The following HOOK2 variants were observed in gnomAD, a reference collection of about 807,000 sequenced individuals.
The protein encoded by HOOK2 is protein Hook homolog 2.
A neutral mutation model predicts 111.9 loss-of-function variants in HOOK2; 108 were observed. That is an observed-to-expected ratio of 0.96 (90% CI 0.83 to 1.13). The LOEUF (loss-of-function observed/expected upper bound fraction) is 1.13, where lower values mean the gene tolerates loss of function less well. Ranked by LOEUF, HOOK2 falls within the 50% of genes most tolerant of loss-of-function variation. The pLI, the probability that HOOK2 is intolerant of heterozygous loss-of-function variation, is 0.00. For synonymous variants in HOOK2, 405 were observed against 394.3 expected, an observed-to-expected ratio of 1.03 and a Z score of -0.32; for missense variants, 978 against 951.3, an observed-to-expected ratio of 1.03 and a Z score of -0.37.
At position 12,791,768 on chromosome 19, in the gene HOOK2, C is replaced by A; in HGVS notation, n.42-17543G>T. 6.3e-7 allele frequency: 1 copy of A among 1,598,102 alleles called. No homozygotes were observed. Among genetic ancestry groups the A allele is most frequent in the Non-Finnish European group, 8.6e-7 (1 of 1,169,490 alleles). Reference sequence around the variant, plus strand: ...ACCCTCCCCAGACCGCCTGGGCCGCCCGGATGTGCACTAAAATGGAACAGC... The same window carrying A: ...ACCCTCCCCAGACCGCCTGGGCCGCACGGATGTGCACTAAAATGGAACAGC... On this transcript the variant is annotated intron_variant and non_coding_transcript_variant, in intron 3 of 3. Transcript: ENST00000589765. This position sits in a 1 kb window ranked among gnomAD's most constrained non-coding sequence, Gnocchi z 7.0.
Position 12,772,163 on chromosome 19 carries a change from G to A in HOOK2, c.519+27C>T, listed in dbSNP as rs760109999. The A allele has an allele frequency of 1.9e-6, 3 of 1,550,284 alleles. No individual in the cohort carries two copies. In the Admixed American group the frequency reaches 5.0e-5, roughly 26 times the overall value. ...TTTGGATTTGCTGATCCCTGTGCCT[G>A]GAACACCTTTCCCCCAAATCTCTTA... On this transcript the variant is annotated intron_variant, in intron 7 of 22. Coordinates refer to ENST00000397668, the MANE Select transcript of HOOK2 (RefSeq NM_013312.3).
upstream of HOOK2, among the ~76,000 whole-genome samples, chr19:12,776,776 A>T (rs1294703400): frequency 3.3e-5 from 5 of 151,660 alleles, no homozygotes; most frequent in African/African-American, 1.2e-4. Context: ...TGAGCCCAGG[A>T]GGTCGAGACT....
Position 12,786,424 on chromosome 19 carries a change from C to T in HOOK2, n.42-12199G>A, listed in dbSNP as rs1421153231. Among the ~76,000 whole-genome samples the T allele has an allele frequency of 2.6e-5, 4 of 152,226 alleles. No homozygotes were observed. In the South Asian group the frequency reaches 8.3e-4, roughly 32 times the overall value. On this transcript the variant is annotated intron_variant and non_coding_transcript_variant, in intron 3 of 3. Transcript: ENST00000589765. This position sits in a 1 kb window ranked among gnomAD's most constrained non-coding sequence, Gnocchi z 4.3. ...TCCCTCGTGCCAAGACCAAAAGCCC[C>T]GAAGACACTTGTGGGTGGGGGTGGG...
upstream of HOOK2, among the ~76,000 whole-genome samples, chr19:12,780,963 G>A (rs947723576): frequency 1.4e-4 from 20 of 144,810 alleles, no homozygotes; most frequent in Admixed American, 2.8e-4. Context: ...GGGTGACAGA[G>A]CGAGACTCCG....
At chr19:12,767,924 A>G in intron 12 of HOOK2, 21 bp from the exon 13 acceptor site, 1 of 1,611,608 alleles carries the variant, frequency 6.2e-7, no homozygotes, top group Non-Finnish European at 8.5e-7. Flanking sequence ...AGGGTACAAG[A>G]CACTCCACGG....
chr19:12,775,621 G>C (rs1968482096), upstream of HOOK2: 3 of 510,800 alleles, frequency 5.9e-6, no homozygotes, highest in South Asian at 1.6e-4. Context: ...GCTCCGCCTC[G>C]GAACGTAATC....
intron 6 of HOOK2, 123 bp downstream of exon 6, chr19:12,772,490 G>T: frequency 1.8e-6 from 2 of 1,136,850 alleles, no homozygotes; most frequent in Non-Finnish European, 2.6e-6. Flanking sequence ...GAGATGTCTG[G>T]CCAGCTGAGT....
chr19:12,785,086 A>AGGG (rs1968643247), intron 3 of HOOK2: 1 of 152,774 alleles, frequency 6.5e-6, no homozygotes, highest in African/African-American at 2.4e-5. Context: ...AGGCACAGAC[A>AGGG]GGCCACAGTG....
chr19:12,771,093 G>A (rs374764076), intron 9 of HOOK2, 21 bp from the exon 10 acceptor site: 2 of 1,611,698 alleles, frequency 1.2e-6, no homozygotes, highest in Non-Finnish European at 1.7e-6. Flanking sequence ...TGGGGGAAGA[G>A]CACATGAGGG....
chr19:12,764,883 C>T lies in HOOK2; in HGVS notation c.1758G>A (p.Leu586=), dbSNP rs765507208. 4.3e-6 allele frequency: 7 copies of T among 1,614,192 alleles called. No individual in the cohort carries two copies. Among genetic ancestry groups the T allele is most frequent in the Non-Finnish European group, 5.9e-6 (7 of 1,180,040 alleles). ...ARRIEELQHN[L]QKKDADLRAM... is the part of the protein sequence containing the mutation. ...CCCGCAAGTCCGCGTCCTTCTTCTG[C>T]AAGTTATGCTGCAGCTCCTCGATCC... Residue 586 remains leucine (L), a synonymous_variant, in exon 20 of 23, where the codon TTG becomes TTA. Coordinates refer to ENST00000397668, the MANE Select transcript of HOOK2 (RefSeq NM_013312.3).
In HOOK2 at chr19:12,791,106, C is replaced by T. The variant is rs1968707560; in HGVS notation, n.42-16881G>A. Among the ~76,000 whole-genome samples the T allele has an allele frequency of 6.6e-6, 1 of 152,176 alleles. No homozygotes were observed. Among genetic ancestry groups the T allele is most frequent in the South Asian group, 2.1e-4 (1 of 4,826 alleles). On this transcript the variant is annotated intron_variant and non_coding_transcript_variant, in intron 3 of 3. Transcript: ENST00000589765. The surrounding 1 kb of genome is among the most constrained non-coding windows in gnomAD (Gnocchi z 7.0). The stretch of plus-strand genomic sequence containing the variant: ...CCTACCCCTCTCGTATTCTGGGTAC[C>T]TCAGGGGTTTCTTCGCACATACTGG...
chr19:12,791,834 C>T lies in HOOK2; in HGVS notation n.42-17609G>A. 1 of 1,613,578 alleles carries T rather than the reference C, an allele frequency of 6.2e-7. No homozygotes were observed. The highest frequency in any genetic ancestry group is 8.5e-7 in the Non-Finnish European group (1 of 1,179,856). ...ACTCATACACAGCTACGGGATACGG[C>T]CGGGCCCCTGGTGGCCTCTCTCTAC... On this transcript the variant is annotated intron_variant and non_coding_transcript_variant, in intron 3 of 3. Coordinates refer to the HOOK2 transcript ENST00000589765. This position sits in a 1 kb window ranked among gnomAD's most constrained non-coding sequence, Gnocchi z 7.0.
intron 20 of HOOK2, 22 bp from the exon 21 acceptor site, chr19:12,763,800 G>C: frequency 6.3e-7 from 1 of 1,592,342 alleles, no homozygotes; most frequent in Admixed American, 1.7e-5. Flanking sequence ...GGAAGTCATA[G>C]CCAGGTGACT....
chr19:12,791,683 G>T lies in HOOK2; in HGVS notation n.42-17458C>A, dbSNP rs1350001941. 8.3e-6 allele frequency: 8 copies of T among 968,104 alleles called. No homozygotes were observed. In the East Asian group the frequency reaches 8.5e-5, roughly 10 times the overall value. 60.0% of individuals were successfully genotyped at this position (968,104 alleles called of 1,614,324 possible). A position where few individuals can be genotyped will look rare whatever the true frequency, so the allele number is the denominator to read the frequency against. On this transcript the variant is annotated intron_variant and non_coding_transcript_variant, in intron 3 of 3. Transcript: ENST00000589765. This position sits in a 1 kb window ranked among gnomAD's most constrained non-coding sequence, Gnocchi z 7.0. The stretch of plus-strand genomic sequence containing the variant: ...GAACGCGCGACCAGGCACCCAGTCC[G>T]GTCACCGCAGCGGAGAGCTCGCCGC...
At chr19:12,785,450 CACAT>C (rs907572532) in intron 3 of HOOK2, among the ~76,000 whole-genome samples, 22 of 152,088 alleles carry the variant, frequency 1.4e-4, no homozygotes, top group African/African-American at 4.3e-4. Context: ...ATCATATACA[CACAT>C]ACAGACCAGC....
At chr19:12,769,787 A>T in intron 11 of HOOK2, 94 bp downstream of exon 11, 1 of 1,037,200 alleles carries the variant, frequency 9.6e-7, no homozygotes, top group South Asian at 2.0e-5. Flanking sequence ...CGTACAAATA[A>T]GGGAGGGGAT....
At chr19:12,776,969 A>T (rs1442661548), upstream of HOOK2, among the ~76,000 whole-genome samples, 1 of 151,002 alleles carries the variant, frequency 6.6e-6, no homozygotes, top group Non-Finnish European at 1.5e-5. Flanking sequence ...CATCCTGGCT[A>T]ACACGGTGAA....
Position 12,775,458 on chromosome 19 carries a change from A to C in HOOK2, c.-9T>G. 6.2e-7 allele frequency: 1 copy of C among 1,610,918 alleles called. No homozygotes were observed. The highest frequency in any genetic ancestry group is 1.1e-5 in the South Asian group (1 of 90,764). ...GCTTTGTCCACGCTCATGGCTCCCG[A>C]TCGGATTCAATCCAGGCCACGGAGC... On this transcript the variant is annotated 5_prime_UTR_variant, in exon 1 of 23. Coordinates refer to ENST00000397668, the MANE Select transcript of HOOK2 (RefSeq NM_013312.3).
chr19:12,770,823 T>G, intron 10 of HOOK2, 109 bp downstream of exon 10: 4 of 1,367,018 alleles, frequency 2.9e-6, no homozygotes, highest in Admixed American at 2.2e-5. Flanking sequence ...ATATTGGGGG[T>G]TCACTGGGCA....
Sources: gnomAD v4.1 joint callset for allele counts (sites outside exome capture counted in the v4.1 genomes callset) on GRCh38, gnomAD v4.1.1 for gene constraint, Gnocchi (gnomAD v3.1) non-coding constraint, MANE v1.5 for transcripts, NCBI Gene and HGNC (gene_info 2026-07-23, HGNC 2026-07-21) for gene names.